The following EYS variants were observed in gnomAD, a reference collection of about 807,000 sequenced individuals.
EYS encodes the protein EGF-like photoreceptor maintenance factor.
EYS carries 250 observed loss-of-function variants against 282.1 expected under a neutral mutation model. The ratio of observed to expected loss-of-function variants is 0.89; its 90% CI spans 0.80 to 0.98. EYS has a LOEUF of 0.98. Ranked by LOEUF, EYS falls within the 50% of genes least tolerant of loss-of-function variation. The probability of loss-of-function intolerance (pLI) is 0.00; values close to 1 mark genes in which losing one functional copy is unlikely to be tolerated. For missense variants in EYS, 4,016 were observed against 3,709.0 expected, an observed-to-expected ratio of 1.08 and a Z score of -2.15; for synonymous variants, 1,355 against 1,282.9, an observed-to-expected ratio of 1.06 and a Z score of -1.20.
At chr6:63,755,265 C>T (rs1769448237) in intron 41 of EYS, among the ~76,000 whole-genome samples, 1 of 151,686 alleles carries the variant, frequency 6.6e-6, no homozygotes, top group African/African-American at 2.4e-5. Flanking sequence ...AGTCTTTGCC[C>T]ATGCCTATAT....
At chr6:65,688,750 G>C (rs1211115514) in intron 1 of EYS, among the ~76,000 whole-genome samples, 2 of 152,084 alleles carry the variant, frequency 1.3e-5, no homozygotes, top group Admixed American at 6.6e-5. Flanking sequence ...AGACATTTAA[G>C]CAGCCAAAAG....
intron 22 of EYS, among the ~76,000 whole-genome samples, chr6:64,645,226 C>G (rs996639463): frequency 6.6e-6 from 1 of 152,110 alleles, no homozygotes. Context: ...CATCATTATC[C>G]GAGCAATGAA....
At chr6:64,409,188 G>A (rs1773810207) in intron 28 of EYS, among the ~76,000 whole-genome samples, 1 of 152,030 alleles carries the variant, frequency 6.6e-6, no homozygotes, top group African/African-American at 2.4e-5. Flanking sequence ...TCTTTATCCA[G>A]TCCACTATTA....
chr6:65,041,230 T>C (rs1583426250), intron 13 of EYS, among the ~76,000 whole-genome samples: 1 of 151,750 alleles, frequency 6.6e-6, no homozygotes, highest in Admixed American at 6.6e-5. Flanking sequence ...TCCATAGTAC[T>C]TCTGTGACCC....
chr6:65,663,631 A>T (rs967799675), intron 1 of EYS, among the ~76,000 whole-genome samples: 1 of 152,210 alleles, frequency 6.6e-6, no homozygotes, highest in Admixed American at 6.5e-5. Context: ...ATGGTACAAA[A>T]GCAAGTTAAA....
intron 22 of EYS, among the ~76,000 whole-genome samples, chr6:64,757,778 G>A (rs1773000688): frequency 6.7e-6 from 1 of 149,366 alleles, no homozygotes; most frequent in African/African-American, 2.5e-5. Context: ...GTGTGTGTGT[G>A]TGTGTGTGTT....
chr6:64,992,121 T>A (rs1042939267), intron 14 of EYS, among the ~76,000 whole-genome samples: 7 of 151,852 alleles, frequency 4.6e-5, no homozygotes, highest in African/African-American at 1.7e-4. Flanking sequence ...TGAGTCCAGC[T>A]CCTACATTTT....
chr6:64,608,169 A>G (rs930680657), intron 24 of EYS, among the ~76,000 whole-genome samples: 1 of 152,188 alleles, frequency 6.6e-6, no homozygotes, highest in Non-Finnish European at 1.5e-5. Context: ...CACCACAATA[A>G]TTGTAATCCA....
intron 26 of EYS, among the ~76,000 whole-genome samples, chr6:64,480,081 A>G (rs954276393): frequency 4.6e-5 from 7 of 151,900 alleles, no homozygotes; most frequent in African/African-American, 1.7e-4. Context: ...AGCGAGTAGT[A>G]ATTGTTCTAA....
chr6:65,041,490 G>A (rs1246708598), intron 13 of EYS, among the ~76,000 whole-genome samples: 1 of 151,558 alleles, frequency 6.6e-6, no homozygotes, highest in Non-Finnish European at 1.5e-5. Context: ...TACTTTTACT[G>A]GTAATGTCCT....
chr6:64,372,138 T>G (rs906268814), intron 29 of EYS, among the ~76,000 whole-genome samples: 21 of 24,250 alleles, frequency 8.7e-4, no homozygotes, highest in Admixed American at 3.7e-3. Flanking sequence ...GTGTTTTTTT[T>G]TTTTTTTTTT....
Position 63,885,114 on chromosome 6 carries a change from G to A in EYS, c.7056-20756C>T, listed in dbSNP as rs574134240. 1.3e-3 allele frequency among the ~76,000 whole-genome samples: 203 copies of A among 152,258 alleles called. 2 individuals are homozygous for A. Among genetic ancestry groups the A allele is most frequent in the African/African-American group, 4.7e-3 (196 of 41,550 alleles). On this transcript the variant is annotated intron_variant, in intron 35 of 42. Transcript: ENST00000503581. ...ATTATATCCTCCCATATTTTAATCA[G>A]GACTTATGTGTTTTATAAATGGCAA...
chr6:64,861,877 A>G (rs9453092), intron 19 of EYS, among the ~76,000 whole-genome samples: 84,119 of 152,004 alleles, frequency 0.55, 24,065 homozygotes, highest in Non-Finnish European at 0.62. Context: ...CTTTCTTTAC[A>G]TAGATTTTGG....
chr6:65,472,792 TCTTA>T (rs762696278), intron 5 of EYS, among the ~76,000 whole-genome samples: 39 of 152,188 alleles, frequency 2.6e-4, no homozygotes, highest in Non-Finnish European at 4.0e-4. Context: ...TCACTATTTT[TCTTA>T]CTTAATTCCT....
At chr6:64,400,096 G>T (rs546792487) in intron 28 of EYS, among the ~76,000 whole-genome samples, 2 of 151,966 alleles carry the variant, frequency 1.3e-5, no homozygotes, top group Admixed American at 1.3e-4. Context: ...TATATCATGA[G>T]GGAAATTATT....
intron 19 of EYS, among the ~76,000 whole-genome samples, chr6:64,843,218 G>T (rs143126061): frequency 6.6e-6 from 1 of 152,176 alleles, no homozygotes; most frequent in African/African-American, 2.4e-5. Context: ...CTAGGGCATT[G>T]TGGGAGGGAA....
chr6:63,884,340 T>C (rs140113437), intron 35 of EYS, among the ~76,000 whole-genome samples: 2 of 152,186 alleles, frequency 1.3e-5, no homozygotes, highest in East Asian at 3.9e-4. Flanking sequence ...GATGCAGCTG[T>C]CCTTTACTGG....
At position 65,510,792 on chromosome 6, in the gene EYS, G is replaced by C. The variant is rs557968093; in HGVS notation, c.-332-14799C>G. On this transcript the variant is annotated intron_variant, in intron 2 of 42. Transcript: ENST00000503581. ...AAATAAGGCATGTATGTGTGTTGTT[G>C]TTAATTTAGAAATTTGTTATTTAAT... is the stretch of plus-strand genomic sequence containing the variant. Among the ~76,000 whole-genome samples, 361 of 152,180 alleles carry C rather than the reference G, an allele frequency of 2.4e-3. 2 individuals are homozygous for C. Among genetic ancestry groups the C allele is most frequent in the African/African-American group, 7.9e-3 (327 of 41,530 alleles).
intron 19 of EYS, among the ~76,000 whole-genome samples, chr6:64,840,624 C>T (rs1169643348): frequency 6.6e-6 from 1 of 151,950 alleles, no homozygotes; most frequent in Non-Finnish European, 1.5e-5. Context: ...CCTCATTGCT[C>T]GTTGAGAACT....
Sources: allele counts gnomAD v4.1 joint callset (sites outside exome capture counted in the v4.1 genomes callset), GRCh38; gene constraint gnomAD v4.1.1; transcripts MANE v1.5; gene names NCBI Gene and HGNC (gene_info 2026-07-23, HGNC 2026-07-21).